Variants in BLACAT1 observed in about 807,000 individuals in gnomAD.
BLACAT1 encodes the protein bladder cancer associated transcript 1.
chr1:205,449,612 A>G (rs1666460230), intron 1 of BLACAT1, among the ~76,000 whole-genome samples: 1 of 150,302 alleles, frequency 6.7e-6, no homozygotes, highest in Non-Finnish European at 1.5e-5. Context: ...AGCACAGCAC[A>G]GCACGCCCCT....
At chr1:205,447,526 C>G (rs1015817568) in intron 1 of BLACAT1, among the ~76,000 whole-genome samples, 1 of 152,076 alleles carries the variant, frequency 6.6e-6, no homozygotes, top group East Asian at 1.9e-4. Flanking sequence ...CCACAGCCAC[C>G]TGTTGGAATC....
In BLACAT1 at chr1:205,450,691, G is replaced by T. The variant is rs1206155157; in HGVS notation, c.-37+5226C>A. ...GGGCACATGAAGGGCTCAGCCCCTG[G>T]CCTGCCTACCAATCCCAGCCCACCT... On this transcript the variant is annotated intron_variant, in intron 1 of 1. Coordinates refer to ENST00000629624, the Ensembl canonical transcript of BLACAT1. The surrounding 1 kb of genome is among the most constrained non-coding windows in gnomAD (Gnocchi z 4.4). 6.6e-6 allele frequency among the ~76,000 whole-genome samples: 1 copy of T among 152,134 alleles called. No homozygotes were observed. Among genetic ancestry groups the T allele is most frequent in the Non-Finnish European group, 1.5e-5 (1 of 68,010 alleles).
At chr1:205,436,313 T>C (rs968913948), downstream of BLACAT1, 4 of 152,206 alleles carry the variant, frequency 2.6e-5, no homozygotes, top group African/African-American at 9.7e-5. Flanking sequence ...GTATGACGAC[T>C]TCCTCCAGGG....
intron 1 of BLACAT1, among the ~76,000 whole-genome samples, chr1:205,454,020 T>C (rs1224041953): frequency 6.6e-6 from 1 of 152,104 alleles, no homozygotes; most frequent in East Asian, 1.9e-4. Flanking sequence ...CCCAAAGAAC[T>C]ATGGAACTGG....
chr1:205,441,316 G>C lies in BLACAT1; in HGVS notation c.-36-254C>G, dbSNP rs1295429542. The stretch of plus-strand genomic sequence containing the variant: ...CATTGGAGACAGGGTGAGTCCAAGG[G>C]AGGAAAGAGAATGCCCAGCTGCTGC... On this transcript the variant is annotated intron_variant, in intron 1 of 1. Transcript: ENST00000629624. The surrounding 1 kb of genome is among the most constrained non-coding windows in gnomAD (Gnocchi z 4.3). Among the ~76,000 whole-genome samples, 2 of 152,148 alleles carry C rather than the reference G, an allele frequency of 1.3e-5. No homozygotes were observed. The highest frequency in any genetic ancestry group is 2.9e-5 in the Non-Finnish European group (2 of 68,018).
At chr1:205,438,609 G>T (rs202051355), downstream of BLACAT1, among the ~76,000 whole-genome samples, 12 of 152,318 alleles carry the variant, frequency 7.9e-5, no homozygotes, top group East Asian at 2.3e-3. Context: ...TGGGGTTGGG[G>T]TGTGCCTGGC....
intron 1 of BLACAT1, among the ~76,000 whole-genome samples, chr1:205,446,074 C>T (rs764412856): frequency 2.6e-5 from 4 of 152,180 alleles, no homozygotes; most frequent in East Asian, 1.9e-4. Flanking sequence ...AAGTTTCAGC[C>T]GTCTGCAGGC....
At chr1:205,443,466 T>C (rs1016030849) in intron 1 of BLACAT1, among the ~76,000 whole-genome samples, 10 of 151,960 alleles carry the variant, frequency 6.6e-5, no homozygotes, top group Non-Finnish European at 1.0e-4. Context: ...GGGAGTGAGG[T>C]CACAGGAACC....
At chr1:205,454,315 T>G (rs1233069419) in intron 1 of BLACAT1, among the ~76,000 whole-genome samples, 1 of 152,188 alleles carries the variant, frequency 6.6e-6, no homozygotes, top group Non-Finnish European at 1.5e-5. Context: ...CTTCCAGGGT[T>G]ACACTGAATT....
intron 1 of BLACAT1, among the ~76,000 whole-genome samples, chr1:205,447,165 T>G (rs80149420): frequency 6.6e-6 from 1 of 152,326 alleles, no homozygotes; most frequent in Admixed American, 6.5e-5. Flanking sequence ...CCAGACCACG[T>G]GGGTTCACGT....
At position 205,450,490 on chromosome 1, in the gene BLACAT1, C is replaced by G. The variant is rs2102479145; in HGVS notation, c.-37+5427G>C. On this transcript the variant is annotated intron_variant, in intron 1 of 1. Transcript: ENST00000629624. The surrounding 1 kb of genome is among the most constrained non-coding windows in gnomAD (Gnocchi z 4.4). ...CCGCAGCCCTGGTTCCTCTCCTCACCCATACCCCTATTCTGCTCCCACCAC... is the reference window on the plus strand; with the variant it reads ...CCGCAGCCCTGGTTCCTCTCCTCACGCATACCCCTATTCTGCTCCCACCAC... Among the ~76,000 whole-genome samples, 1 of 151,646 alleles carries G rather than the reference C, an allele frequency of 6.6e-6. No individual in the cohort carries two copies. Among genetic ancestry groups the G allele is most frequent in the East Asian group, 1.9e-4 (1 of 5,150 alleles).
chr1:205,439,001 C>G (rs116178513), downstream of BLACAT1, among the ~76,000 whole-genome samples: 300 of 152,326 alleles, frequency 2.0e-3, 1 homozygote, highest in African/African-American at 6.9e-3. Flanking sequence ...ACATAACACC[C>G]AATATCTCTG....
chr1:205,448,489 G>C lies in BLACAT1; in HGVS notation c.-36-7427C>G, dbSNP rs1297072067. 2 of 476,554 alleles carry C rather than the reference G, an allele frequency of 4.2e-6. No homozygotes were observed. Among genetic ancestry groups the C allele is most frequent in the African/African-American group, 4.0e-5 (2 of 49,898 alleles). 29.5% of individuals were successfully genotyped at this position (476,554 alleles called of 1,614,324 possible). Reference sequence around the variant, plus strand: ...CCCCTTCTCAGCACCCCCGACCCCAGACCCACCCACACTGCCTCCCTCCAG... The same window carrying C: ...CCCCTTCTCAGCACCCCCGACCCCACACCCACCCACACTGCCTCCCTCCAG... On this transcript the variant is annotated intron_variant, in intron 1 of 1. Transcript: ENST00000629624. This position sits in a 1 kb window ranked among gnomAD's most constrained non-coding sequence, Gnocchi z 4.7.
chr1:205,451,837 C>T (rs1666501164), intron 1 of BLACAT1, among the ~76,000 whole-genome samples: 1 of 151,910 alleles, frequency 6.6e-6, no homozygotes, highest in South Asian at 2.1e-4. Context: ...TTATTATTCC[C>T]ATTGGGTAGA....
chr1:205,445,176 T>C (rs1045655090), intron 1 of BLACAT1, among the ~76,000 whole-genome samples: 2 of 151,954 alleles, frequency 1.3e-5, no homozygotes, highest in Non-Finnish European at 2.9e-5. Flanking sequence ...GGGTTTTCTC[T>C]CCCCACCTCC....
chr1:205,452,861 G>A (rs1208754135), intron 1 of BLACAT1, among the ~76,000 whole-genome samples: 1 of 152,186 alleles, frequency 6.6e-6, no homozygotes, highest in Non-Finnish European at 1.5e-5. Flanking sequence ...ATTATTCTAT[G>A]GATGTTGGCT....
At chr1:205,444,566 G>A (rs1666351608) in intron 1 of BLACAT1, among the ~76,000 whole-genome samples, 1 of 152,130 alleles carries the variant, frequency 6.6e-6, no homozygotes, top group Admixed American at 6.5e-5. Context: ...ATGGGGCAGT[G>A]AGTCAGAGAC....
At chr1:205,442,093 T>C (rs914764664) in intron 1 of BLACAT1, among the ~76,000 whole-genome samples, 6 of 152,104 alleles carry the variant, frequency 3.9e-5, no homozygotes, top group African/African-American at 1.4e-4. Context: ...GGAGCAGAAG[T>C]GCACTCAAGC....
At chr1:205,454,188 G>C (rs1666533729) in intron 1 of BLACAT1, among the ~76,000 whole-genome samples, 1 of 152,224 alleles carries the variant, frequency 6.6e-6, no homozygotes, top group Non-Finnish European at 1.5e-5. Context: ...ACAGCACTCA[G>C]GGAGGCCCAG....
Sources: gnomAD v4.1 joint callset for allele counts (sites outside exome capture counted in the v4.1 genomes callset) on GRCh38, gnomAD v4.1.1 for gene constraint, Gnocchi (gnomAD v3.1) non-coding constraint, MANE v1.5 for transcripts, NCBI Gene and HGNC (gene_info 2026-07-23, HGNC 2026-07-21) for gene names.